Variants in USP10 observed in about 807,000 individuals in gnomAD.
The protein encoded by USP10 is ubiquitin carboxyl-terminal hydrolase 10.
USP10 carries 22 observed loss-of-function variants against 84.5 expected under a neutral mutation model. The observed-to-expected ratio is 0.26, with a 90% CI of 0.19 to 0.37. The LOEUF (loss-of-function observed/expected upper bound fraction) is 0.37. Ranked by LOEUF, USP10 falls within the 10% of genes least tolerant of loss-of-function variation. The probability of loss-of-function intolerance (pLI) is 1.00; values close to 1 mark genes in which losing one functional copy is unlikely to be tolerated. For missense variants in USP10, 1,019 were observed against 998.9 expected (o/e 1.02, Z -0.27); for synonymous variants, 454 against 387.6 (o/e 1.17, Z -2.01).
chr16:84,710,913 G>A (rs762465122), intron 1 of USP10, among the ~76,000 whole-genome samples: 2 of 152,130 alleles, frequency 1.3e-5, no homozygotes, highest in Admixed American at 1.3e-4. Flanking sequence ...GAGCCCTTTC[G>A]CATGAATAGC....
Position 84,759,408 on chromosome 16 carries a change from A to G in USP10, c.1330A>G (p.Lys444Glu), listed in dbSNP as rs1225663430. 1 of 1,613,964 alleles carries G rather than the reference A, an allele frequency of 6.2e-7. No individual in the cohort carries two copies. The highest frequency in any genetic ancestry group is 1.3e-5 in the African/African-American group (1 of 75,032). ...TTGCCCGCCGATGTACCACCTGATGAAGTTCATTCCTCTGTATTCCAAAGT... is the reference window on the plus strand; with the variant it reads ...TTGCCCGCCGATGTACCACCTGATGGAGTTCATTCCTCTGTATTCCAAAGT... ...VACPPMYHLMKFIPLYSKVQR... is the reference protein window; with the variant it reads ...VACPPMYHLMEFIPLYSKVQR... The change falls in exon 6 of 14, where the codon AAG becomes GAG. Residue 444 changes from lysine to glutamate, a missense_variant. Coordinates refer to ENST00000219473, the MANE Select transcript of USP10 (RefSeq NM_005153.3).
At chr16:84,727,013 A>C (rs924262740) in intron 1 of USP10, among the ~76,000 whole-genome samples, 2 of 152,220 alleles carry the variant, frequency 1.3e-5, no homozygotes, top group Non-Finnish European at 2.9e-5. Context: ...TGGGAAGGGC[A>C]GAGTTAGCCG....
intron 1 of USP10, among the ~76,000 whole-genome samples, chr16:84,723,397 A>G (rs113690501): frequency 8.0e-4 from 122 of 152,302 alleles, no homozygotes; most frequent in Middle Eastern, 3.4e-3. Flanking sequence ...TTTGAAGATT[A>G]TATTTGAGAA....
rs1911331303 is a variant in USP10, at chr16:84,747,184, G to GGTGACCAGATCTTCAGATT, written c.1192+1514_1192+1532dup. Among the ~76,000 whole-genome samples the GGTGACCAGATCTTCAGATT allele has an allele frequency of 2.6e-5, 4 of 152,162 alleles. No homozygotes were observed. The South Asian group carries it at 8.3e-4, about 32-fold the overall frequency. On this transcript the variant is annotated intron_variant, in intron 4 of 13. Coordinates refer to ENST00000219473, the MANE Select transcript of USP10 (RefSeq NM_005153.3). ...CATCAGGTTGGATTCCACCAAGCCT[G>GGTGACCAGATCTTCAGATT]GTGACCAGATCTTCAGATTGTCACC...
intron 13 of USP10, among the ~76,000 whole-genome samples, chr16:84,778,135 A>G (rs961468715): frequency 2.1e-5 from 2 of 97,016 alleles, no homozygotes; most frequent in African/African-American, 7.0e-5. Context: ...CTGTTAAAAC[A>G]TAGAAAAATG....
intron 8 of USP10, among the ~76,000 whole-genome samples, chr16:84,760,787 A>AG (rs1913119028): frequency 6.6e-6 from 1 of 152,170 alleles, no homozygotes; most frequent in Non-Finnish European, 1.5e-5. Context: ...GAGCCCTTAT[A>AG]AAAGGCCCTG....
At chr16:84,770,890 A>G (rs541149643) in intron 11 of USP10, among the ~76,000 whole-genome samples, 2 of 152,104 alleles carry the variant, frequency 1.3e-5, no homozygotes, top group South Asian at 4.1e-4. Flanking sequence ...ACATGTTGAA[A>G]CCCCATCTCT....
chr16:84,724,945 C>G (rs7186451), intron 1 of USP10, among the ~76,000 whole-genome samples: 40,718 of 152,078 alleles, frequency 0.27, 5,568 homozygotes, highest in African/African-American at 0.34. Flanking sequence ...GCACCCATAA[C>G]TTACTGGGCT....
At chr16:84,778,725 G>A (rs544135459) in intron 13 of USP10, among the ~76,000 whole-genome samples, 170 bp from the exon 14 acceptor site, 1 of 152,336 alleles carries the variant, frequency 6.6e-6, no homozygotes, top group African/African-American at 2.4e-5. Context: ...GATTGCTTGC[G>A]TGTTTGAGTT....
At position 84,744,989 on chromosome 16, in the gene USP10, A is replaced by T. The variant is rs1343087484; in HGVS notation, c.508A>T (p.Ser170Cys). 6.2e-7 allele frequency: 1 copy of T among 1,613,846 alleles called. No homozygotes were observed. Among genetic ancestry groups the T allele is most frequent in the Non-Finnish European group, 8.5e-7 (1 of 1,179,726 alleles). The change falls in exon 4 of 14, where the codon AGT becomes TGT. Residue 170 changes from serine (S) to cysteine (C), a missense_variant. Ser to Cys is a moderately radical substitution (Grantham distance 112). This residue lies in a region of USP10 where 787 missense variants were observed against 708.8 expected (regional missense o/e 1.11). Coordinates refer to ENST00000219473, the MANE Select transcript of USP10 (RefSeq NM_005153.3). ...YSYLKDGGDD[S>C]ISTEALVNGH... ...CTATTTGAAAGATGGTGGCGATGAT[A>T]GTATCTCCACAGAAGCCCTGGTCAA...
intron 9 of USP10, 124 bp from the exon 10 acceptor site, chr16:84,763,962 G>T: frequency 8.0e-7 from 1 of 1,250,254 alleles, no homozygotes; most frequent in Non-Finnish European, 1.1e-6. Flanking sequence ...ATTGGTTGCC[G>T]TGGCTCCTAA....
At chr16:84,767,419 C>A (rs1462492743) in intron 10 of USP10, among the ~76,000 whole-genome samples, 1 of 152,046 alleles carries the variant, frequency 6.6e-6, no homozygotes, top group Non-Finnish European at 1.5e-5. Context: ...AGCCTTTTTT[C>A]CTGGAATGTT....
At chr16:84,700,351 C>T (rs955615466) in intron 1 of USP10, among the ~76,000 whole-genome samples, 1 of 151,918 alleles carries the variant, frequency 6.6e-6, no homozygotes, top group Non-Finnish European at 1.5e-5. Flanking sequence ...GGGCTCCGGG[C>T]CCCGCTTGGG....
chr16:84,715,779 A>C (rs548826170), intron 1 of USP10, among the ~76,000 whole-genome samples: 109 of 152,310 alleles, frequency 7.2e-4, no homozygotes, highest in African/African-American at 2.3e-3. Context: ...CCGTTTAGTT[A>C]CAGTTTTGAG....
intron 1 of USP10, among the ~76,000 whole-genome samples, chr16:84,705,631 T>C (rs1905387234): frequency 6.6e-6 from 1 of 152,164 alleles, no homozygotes; most frequent in Non-Finnish European, 1.5e-5. Flanking sequence ...TAGATTTTTG[T>C]TTTCCCATTT....
chr16:84,706,829 C>T (rs563900418), intron 1 of USP10, among the ~76,000 whole-genome samples: 4 of 152,050 alleles, frequency 2.6e-5, no homozygotes, highest in African/African-American at 4.8e-5. Flanking sequence ...CGTGAGCCAC[C>T]GCGCCGGGCC....
rs1911096599 is a variant in USP10 at position 84,745,374 on chromosome 16, C to G, written c.893C>G (p.Ala298Gly). 1.2e-6 allele frequency: 2 copies of G among 1,613,392 alleles called. No homozygotes were observed. Among genetic ancestry groups the G allele is most frequent in the Non-Finnish European group, 1.7e-6 (2 of 1,179,716 alleles). ...CTTGAATCCTCGGGTGAGGGCACAG[C>G]TACCAACGGGGTGGAGTTGCACACC... is the stretch of plus-strand genomic sequence containing the variant. The part of the protein sequence containing the change: ...QILESSGEGT[A>G]TNGVELHTTE... Residue 298 changes from alanine to glycine, a missense_variant, in exon 4 of 14, where the codon GCT becomes GGT. Ala to Gly is a moderately conservative substitution (Grantham distance 60). Transcript: ENST00000219473.
intron 3 of USP10, among the ~76,000 whole-genome samples, chr16:84,741,172 A>G (rs536258299): frequency 2.0e-5 from 3 of 152,380 alleles, no homozygotes; most frequent in Admixed American, 6.5e-5. Flanking sequence ...TTAGGCTTCA[A>G]TAGAAGCCTT....
rs753855218 is a variant in USP10, at chr16:84,758,813, C to T, written c.1284+6C>T. The stretch of plus-strand genomic sequence containing the variant: ...ACTGGTGCTACATTAATGCTGTATC[C>T]TTCCTGGACGCCGTCCGCAAGGCCA... On this transcript the variant is annotated splice_donor_region_variant and intron_variant, in intron 5 of 13. Transcript: ENST00000219473. 7 of 1,609,232 alleles carry T rather than the reference C, an allele frequency of 4.3e-6. No individual in the cohort carries two copies. The highest frequency in any genetic ancestry group is 6.0e-6 in the Non-Finnish European group (7 of 1,175,598).
Sources: allele counts gnomAD v4.1 joint callset (sites outside exome capture counted in the v4.1 genomes callset), GRCh38; gene constraint gnomAD v4.1.1; regional missense constraint gnomAD v4.1.1; transcripts MANE v1.5; gene names NCBI Gene and HGNC (gene_info 2026-07-23, HGNC 2026-07-21).